Variants in GDPD5 observed in about 807,000 individuals in gnomAD.
GDPD5 encodes the protein glycerophosphodiester phosphodiesterase 2.
In GDPD5, 48 loss-of-function variants were observed where a neutral mutation model predicts 75.1. That is an observed-to-expected ratio of 0.64 (90% confidence interval 0.51 to 0.81). The LOEUF (loss-of-function observed/expected upper bound fraction) is 0.81. Ranked by LOEUF, GDPD5 falls within the 40% of genes least tolerant of loss-of-function variation. The pLI is 0.00. For missense variants in GDPD5, 706 were observed against 822.6 expected (o/e 0.86, Z 1.73); for synonymous variants, 336 against 339.0 (o/e 0.99, Z 0.10).
chr11:75,512,938 C>A (rs1950558684), intron 1 of GDPD5, among the ~76,000 whole-genome samples: 1 of 152,138 alleles, frequency 6.6e-6, no homozygotes, highest in Non-Finnish European at 1.5e-5. Flanking sequence ...GCCTTAGCTG[C>A]TTCTTCTGGA....
At chr11:75,446,042 A>G (rs932787650) in intron 9 of GDPD5, among the ~76,000 whole-genome samples, 3 of 152,256 alleles carry the variant, frequency 2.0e-5, no homozygotes, top group Admixed American at 6.5e-5. Context: ...CAGGACTACA[A>G]AGGCATGGAG....
In GDPD5 at chr11:75,458,448, G is replaced by A. The variant is rs557054730; in HGVS notation, c.222-662C>T. On this transcript the variant is annotated intron_variant, in intron 4 of 16. Transcript: ENST00000336898. ...CAGCACTTGGGAGGCTGAGGCGGGC[G>A]GATCACGAGGTCAGGAGATCGAGAC... 1.8e-3 allele frequency among the ~76,000 whole-genome samples: 268 copies of A among 152,222 alleles called. 1 individual carries two copies. Among genetic ancestry groups the A allele is most frequent in the African/African-American group, 5.9e-3 (245 of 41,534 alleles).
intron 1 of GDPD5, among the ~76,000 whole-genome samples, chr11:75,524,341 A>T (rs776535646): frequency 1.8e-4 from 27 of 152,252 alleles, no homozygotes; most frequent in Admixed American, 7.9e-4. Flanking sequence ...CATCAGCGAT[A>T]GGGAAAGCCC....
At position 75,511,857 on chromosome 11, in the gene GDPD5, G is replaced by A. The variant is rs61897422; in HGVS notation, c.-145+13353C>T. On this transcript the variant is annotated intron_variant, in intron 1 of 16. Transcript: ENST00000336898. ...TTCCAACTGTGACTTTGTGCTCACT[G>A]CTGGCCATTGGGCGGGGGGACCCCA... Among the ~76,000 whole-genome samples, 1,306 of 152,340 alleles carry A rather than the reference G, an allele frequency of 8.6e-3. 9 individuals carry two copies. Among genetic ancestry groups the A allele is most frequent in the Middle Eastern group, 0.024 (7 of 294 alleles).
At chr11:75,449,806 CT>C in intron 7 of GDPD5, 78 bp downstream of exon 7, 1 of 1,494,278 alleles carries the variant, frequency 6.7e-7, no homozygotes, top group Non-Finnish European at 9.3e-7. Context: ...CCCTGCCCTT[CT>C]TTGGGCCTTG....
intron 6 of GDPD5, among the ~76,000 whole-genome samples, chr11:75,455,675 G>A (rs1949269820): frequency 6.6e-6 from 1 of 152,192 alleles, no homozygotes; most frequent in Non-Finnish European, 1.5e-5. Context: ...TAAATGGCAG[G>A]CCCACGGGGA....
Position 75,444,423 on chromosome 11 carries a change from T to C in GDPD5, c.787A>G (p.Ile263Val), listed in dbSNP as rs777149246. Residue 263 changes from isoleucine (I) to valine (V), a missense_variant, in exon 10 of 17, where the codon ATT becomes GTT. By Grantham distance (29) the Ile-to-Val change is conservative. Coordinates refer to ENST00000336898, the MANE Select transcript of GDPD5 (RefSeq NM_030792.8). Reference protein sequence around the residue: ...EQKLYGLQADITISLDGVPFL... With the variant: ...EQKLYGLQADVTISLDGVPFL... Reference sequence around the variant, plus strand: ...CTCCGCTACACCTACCTGATGGTAATGTCAGCCTGGAGCCCGTACAGCTTC... The same window carrying C: ...CTCCGCTACACCTACCTGATGGTAACGTCAGCCTGGAGCCCGTACAGCTTC... The C allele has an allele frequency of 1.2e-5, 19 of 1,612,744 alleles. No individual in the cohort carries two copies. In the South Asian group the frequency reaches 2.0e-4, roughly 17 times the overall value.
At chr11:75,503,224 T>C (rs1950329525) in intron 1 of GDPD5, among the ~76,000 whole-genome samples, 1 of 152,194 alleles carries the variant, frequency 6.6e-6, no homozygotes, top group African/African-American at 2.4e-5. Context: ...TTTCATCATG[T>C]TGGCCAGGCT....
At chr11:75,489,181 C>CAAA (rs34865793) in intron 2 of GDPD5, among the ~76,000 whole-genome samples, 1 of 151,654 alleles carries the variant, frequency 6.6e-6, no homozygotes, top group Non-Finnish European at 1.5e-5. Flanking sequence ...AAAAAAATTA[C>CAAA]AAAAAAAAGA....
chr11:75,459,690 G>T (rs1162931691), intron 4 of GDPD5, among the ~76,000 whole-genome samples: 1 of 151,766 alleles, frequency 6.6e-6, no homozygotes, highest in Admixed American at 6.6e-5. Flanking sequence ...GACACCTGTA[G>T]TTCCAGCTAC....
At chr11:75,470,441 G>C (rs1306323721) in intron 3 of GDPD5, among the ~76,000 whole-genome samples, 2 of 151,896 alleles carry the variant, frequency 1.3e-5, no homozygotes, top group African/African-American at 2.4e-5. Flanking sequence ...ATTTAAGAAG[G>C]GTGGCCCAAT....
intron 4 of GDPD5, among the ~76,000 whole-genome samples, chr11:75,461,049 C>T (rs934053217): frequency 6.6e-6 from 1 of 152,126 alleles, no homozygotes; most frequent in Non-Finnish European, 1.5e-5. Flanking sequence ...GGAAAGGCTA[C>T]TTAACCTCTC....
chr11:75,452,278 C>A (rs1159728757), intron 6 of GDPD5: 3 of 152,256 alleles, frequency 2.0e-5, no homozygotes, highest in Admixed American at 2.0e-4. Context: ...CCTGGCTCTG[C>A]TACCTACTGG....
intron 1 of GDPD5, among the ~76,000 whole-genome samples, chr11:75,517,839 C>T (rs947844): frequency 0.13 from 19,722 of 152,050 alleles, 1,410 homozygotes; most frequent in South Asian, 0.21. Context: ...TTCTTCAGTT[C>T]TCCCAGGTGG....
chr11:75,444,183 C>T (rs905355169), intron 10 of GDPD5, among the ~76,000 whole-genome samples: 1 of 152,174 alleles, frequency 6.6e-6, no homozygotes, highest in Non-Finnish European at 1.5e-5. Context: ...TTTTTCCCTT[C>T]AAGTGGCTCT....
intron 4 of GDPD5, 33 bp from the exon 5 acceptor site, chr11:75,457,819 T>A: frequency 6.5e-7 from 1 of 1,543,028 alleles, no homozygotes; most frequent in Non-Finnish European, 9.0e-7. Flanking sequence ...GGGTCAGACC[T>A]CCACCAGGCC....
At chr11:75,481,961 AG>A (rs1949928707) in intron 2 of GDPD5, among the ~76,000 whole-genome samples, 1 of 151,432 alleles carries the variant, frequency 6.6e-6, no homozygotes, top group Non-Finnish European at 1.5e-5. Context: ...GGGGGCAGGG[AG>A]GGGGAAAAGT....
chr11:75,488,223 C>A (rs1170892742), intron 2 of GDPD5, among the ~76,000 whole-genome samples: 2 of 152,160 alleles, frequency 1.3e-5, no homozygotes, highest in Admixed American at 6.5e-5. Context: ...GCCCCCACCC[C>A]CTTCTCCCCC....
At chr11:75,446,416 C>T (rs1448959297) in intron 9 of GDPD5, among the ~76,000 whole-genome samples, 1 of 152,134 alleles carries the variant, frequency 6.6e-6, no homozygotes, top group Non-Finnish European at 1.5e-5. Flanking sequence ...GCACCTGCCT[C>T]AGGCCAGTCC....
Sources: allele counts gnomAD v4.1 joint callset (sites outside exome capture counted in the v4.1 genomes callset), GRCh38; gene constraint gnomAD v4.1.1; transcripts MANE v1.5; gene names NCBI Gene and HGNC (gene_info 2026-07-23, HGNC 2026-07-21).